Variants in SLC16A7 observed in about 807,000 individuals in gnomAD.
SLC16A7 encodes solute carrier family 16 member 7, also known as monocarboxylate transporter 2.
A neutral mutation model predicts 34.9 loss-of-function variants in SLC16A7; 33 were observed. The ratio of observed to expected loss-of-function variants is 0.94; its 90% CI spans 0.72 to 1.26. The LOEUF (loss-of-function observed/expected upper bound fraction) is 1.26, where lower values mean the gene tolerates loss of function less well. Ranked by LOEUF, SLC16A7 falls within the 50% of genes most tolerant of loss-of-function variation. The pLI, the probability that SLC16A7 is intolerant of heterozygous loss-of-function variation, is 0.00. For synonymous variants in SLC16A7, 201 were observed against 206.6 expected (o/e 0.97, Z 0.23); for missense variants, 573 against 578.1 (o/e 0.99, Z 0.09).
intron 2 of SLC16A7, among the ~76,000 whole-genome samples, chr12:59,701,553 A>G (rs1477007077): frequency 2.0e-5 from 3 of 151,688 alleles, no homozygotes; most frequent in Non-Finnish European, 4.4e-5. Flanking sequence ...CTATAAGTTC[A>G]AATTATTTTA....
At position 59,614,633 on chromosome 12, in the gene SLC16A7, A is replaced by G. The variant is rs568161400; in HGVS notation, c.-130+18397A>G. Reference sequence around the variant, plus strand: ...GATAGCAATATGAGTCGGGACCAGTAAGAGGTGATTAGTTTGTGAGGGTTC... The same window carrying G: ...GATAGCAATATGAGTCGGGACCAGTGAGAGGTGATTAGTTTGTGAGGGTTC... On this transcript the variant is annotated intron_variant, in intron 1 of 5. Transcript: ENST00000547379. Among the ~76,000 whole-genome samples the G allele has an allele frequency of 5.3e-5, 8 of 151,844 alleles. No homozygotes were observed. In the South Asian group the frequency reaches 1.7e-3, roughly 32 times the overall value.
chr12:59,730,066 G>T (rs960924182), intron 3 of SLC16A7, among the ~76,000 whole-genome samples: 1 of 152,086 alleles, frequency 6.6e-6, no homozygotes, highest in Non-Finnish European at 1.5e-5. Context: ...ATCTAGATTT[G>T]AAATTTCAGG....
chr12:59,685,066 A>G (rs899536014), intron 2 of SLC16A7, among the ~76,000 whole-genome samples: 6 of 152,148 alleles, frequency 3.9e-5, no homozygotes, highest in Non-Finnish European at 1.5e-5. Flanking sequence ...GAAAAGAAAA[A>G]GAGAAGTTTT....
chr12:59,643,226 A>G lies in SLC16A7; in HGVS notation c.-129-11926A>G, dbSNP rs141749669. Reference sequence around the variant, plus strand: ...ACAGAGGGTAAGAAAGCTCAATCCAATTGTCTTGGATCATAGAACTAATAA... The same window carrying G: ...ACAGAGGGTAAGAAAGCTCAATCCAGTTGTCTTGGATCATAGAACTAATAA... On this transcript the variant is annotated intron_variant, in intron 1 of 5. Transcript: ENST00000547379. Among the ~76,000 whole-genome samples the G allele has an allele frequency of 3.9e-3, 601 of 152,256 alleles. 1 individual carries two copies. Among genetic ancestry groups the G allele is most frequent in the Non-Finnish European group, 7.0e-3 (475 of 67,990 alleles).
At chr12:59,677,688 A>ACTT (rs2137065999) in intron 2 of SLC16A7, among the ~76,000 whole-genome samples, 1 of 152,318 alleles carries the variant, frequency 6.6e-6, no homozygotes, top group East Asian at 1.9e-4. Flanking sequence ...TCTGTCTTCA[A>ACTT]CTGTCTTCTT....
chr12:59,641,450 A>G lies in SLC16A7; in HGVS notation c.-129-13702A>G, dbSNP rs1880681845. 2.6e-5 allele frequency among the ~76,000 whole-genome samples: 4 copies of G among 152,072 alleles called. No individual in the cohort carries two copies. The South Asian group carries it at 8.3e-4, about 31-fold the overall frequency. ...TGATGGGGTTACCATGCTGAATGAA[A>G]AATGAAGTTTCTGCTTTGATAGGAT... On this transcript the variant is annotated intron_variant, in intron 1 of 5. Coordinates refer to ENST00000547379, the MANE Select transcript of SLC16A7 (RefSeq NM_001270623.2).
intron 2 of SLC16A7, among the ~76,000 whole-genome samples, chr12:59,677,889 C>G (rs7301638): frequency 0.022 from 3,313 of 152,326 alleles, 123 homozygotes; most frequent in African/African-American, 0.075. Flanking sequence ...TTGGGTGTCA[C>G]TTCACAAGCC....
chr12:59,659,387 A>G (rs1592444880), intron 2 of SLC16A7, among the ~76,000 whole-genome samples: 2 of 151,976 alleles, frequency 1.3e-5, no homozygotes, highest in African/African-American at 4.8e-5. Flanking sequence ...CCAAAAGGTA[A>G]TTTCTCAACC....
At position 59,671,900 on chromosome 12, in the gene SLC16A7, TATATAC is replaced by T. The variant is rs1869781126; in HGVS notation, c.-31+16656_-31+16661del. 5.4e-5 allele frequency among the ~76,000 whole-genome samples: 6 copies of T among 111,916 alleles called. 2 individuals are homozygous for T. The highest frequency in any genetic ancestry group is 2.1e-4 in the African/African-American group (6 of 27,988). The allele number at this position is 111,916 out of a possible 152,430, so 73.4% of individuals were successfully genotyped here. ...ATATATGTATATATGTACATATGTA[TATATAC>T]ATATATGTATATATGTATATATCCA... On this transcript the variant is annotated intron_variant, in intron 2 of 5. Coordinates refer to ENST00000547379, the MANE Select transcript of SLC16A7 (RefSeq NM_001270623.2).
intron 3 of SLC16A7, among the ~76,000 whole-genome samples, chr12:59,735,708 C>CTT (rs779020717): frequency 2.0e-5 from 3 of 152,104 alleles, no homozygotes; most frequent in Non-Finnish European, 4.4e-5. Flanking sequence ...AGCCCTGCTG[C>CTT]TTTTGCATTA....
intron 1 of SLC16A7, among the ~76,000 whole-genome samples, chr12:59,644,420 A>C (rs1880820097): frequency 1.3e-5 from 2 of 152,036 alleles, no homozygotes; most frequent in Admixed American, 1.3e-4. Flanking sequence ...TACAAAAATG[A>C]GCCGAACATG....
intron 2 of SLC16A7, among the ~76,000 whole-genome samples, chr12:59,667,279 A>G (rs1693617): frequency 0.048 from 7,330 of 152,160 alleles, 614 homozygotes; most frequent in African/African-American, 0.17. Flanking sequence ...GGCTTGGAGG[A>G]AGATAGGAAA....
In SLC16A7 at chr12:59,660,862, G is replaced by C. The variant is rs541861452; in HGVS notation, c.-31+5612G>C. On this transcript the variant is annotated intron_variant, in intron 2 of 5. Coordinates refer to ENST00000547379, the MANE Select transcript of SLC16A7 (RefSeq NM_001270623.2). ...TGACTGAGACAGTAGATTTAATGTTGCCTCAAACTTCATTTATTTATATCT... is the reference window on the plus strand; with the variant it reads ...TGACTGAGACAGTAGATTTAATGTTCCCTCAAACTTCATTTATTTATATCT... Among the ~76,000 whole-genome samples, 3 of 152,200 alleles carry C rather than the reference G, an allele frequency of 2.0e-5. No individual in the cohort carries two copies. In the East Asian group the frequency reaches 5.8e-4, roughly 29 times the overall value.
At chr12:59,636,451 A>G (rs1880431601) in intron 1 of SLC16A7, among the ~76,000 whole-genome samples, 1 of 152,132 alleles carries the variant, frequency 6.6e-6, no homozygotes, top group South Asian at 2.1e-4. Context: ...AAATAGATGC[A>G]CAAAATAGGA....
chr12:59,690,243 A>G (rs1313175381), intron 2 of SLC16A7, among the ~76,000 whole-genome samples: 3 of 152,026 alleles, frequency 2.0e-5, no homozygotes, highest in South Asian at 2.1e-4. Flanking sequence ...CATGAAAATC[A>G]TATTTAAAAG....
At chr12:59,673,854 A>G (rs1311172636) in intron 2 of SLC16A7, among the ~76,000 whole-genome samples, 1 of 152,168 alleles carries the variant, frequency 6.6e-6, no homozygotes, top group Non-Finnish European at 1.5e-5. Flanking sequence ...CTCCAAGGAT[A>G]TCATCATCTC....
At chr12:59,748,402 G>T (rs1879129450) in intron 3 of SLC16A7, among the ~76,000 whole-genome samples, 1 of 152,134 alleles carries the variant, frequency 6.6e-6, no homozygotes, top group Admixed American at 6.5e-5. Flanking sequence ...TTGCTACTGT[G>T]CTGGGCTAAA....
intron 3 of SLC16A7, among the ~76,000 whole-genome samples, chr12:59,755,680 C>G (rs954205324): frequency 4.6e-5 from 7 of 152,110 alleles, no homozygotes; most frequent in Non-Finnish European, 7.4e-5. Context: ...GGCCATACTG[C>G]CCAAGGTAAT....
intron 3 of SLC16A7, 126 bp downstream of exon 3, chr12:59,705,144 CA>C: frequency 1.6e-6 from 1 of 631,902 alleles, no homozygotes; most frequent in Non-Finnish European, 2.7e-6. Context: ...TAAAACCAAT[CA>C]AAAGTATAAT....
Sources: allele counts gnomAD v4.1 joint callset (sites outside exome capture counted in the v4.1 genomes callset), GRCh38; gene constraint gnomAD v4.1.1; transcripts MANE v1.5; gene names NCBI Gene and HGNC (gene_info 2026-07-23, HGNC 2026-07-21).